The following KIF5A variants were observed in gnomAD, a reference collection of about 807,000 sequenced individuals.
The protein encoded by KIF5A is kinesin family member 5A.
A neutral mutation model predicts 141.3 loss-of-function variants in KIF5A; 35 were observed. The observed-to-expected ratio is 0.25, with a 90% confidence interval of 0.19 to 0.33. The LOEUF is 0.33. Ranked by LOEUF, KIF5A falls within the 10% of genes least tolerant of loss-of-function variation. The probability of loss-of-function intolerance (pLI) is 1.00; values close to 1 mark genes in which losing one functional copy is unlikely to be tolerated. For synonymous variants in KIF5A, 448 were observed against 500.2 expected, an observed-to-expected ratio of 0.90 and a Z score of 1.39; for missense variants, 861 against 1,314.3, an observed-to-expected ratio of 0.66 and a Z score of 5.33.
chr12:57,582,102 G>T lies in KIF5A; in HGVS notation c.2992+150G>T, dbSNP rs893143477. The stretch of plus-strand genomic sequence containing the variant: ...ATAAAAAAAAAAATACATATAGCCA[G>T]GTGTGGTGGCATGCACCTGTAGTCC... On this transcript the variant is annotated intron_variant, in intron 26 of 28. Transcript: ENST00000455537. 4 of 714,394 alleles carry T rather than the reference G, an allele frequency of 5.6e-6. No homozygotes were observed. The Admixed American group carries it at 6.5e-5, about 12-fold the overall frequency. 44.3% of individuals were successfully genotyped at this position (714,394 alleles called of 1,614,324 possible). A position where few individuals can be genotyped will look rare whatever the true frequency, so the allele number is the denominator to read the frequency against.
In KIF5A at chr12:57,562,452, G is replaced by A. The variant is rs1189505287; in HGVS notation, c.130-987G>A. On this transcript the variant is annotated intron_variant, in intron 1 of 28. Coordinates refer to ENST00000455537, the MANE Select transcript of KIF5A (RefSeq NM_004984.4). ...GCTGGTCTCGAACTCCTCACCTCAG[G>A]TGATCTGCCTGCCTTGGCCTCCCAA... Among the ~76,000 whole-genome samples the A allele has an allele frequency of 5.9e-5, 9 of 152,214 alleles. 1 individual carries two copies. The highest frequency in any genetic ancestry group is 2.0e-4 in the Admixed American group (3 of 15,278).
intron 1 of KIF5A, 92 bp from the exon 2 acceptor site, chr12:57,563,347 G>A (rs778910895): frequency 3.5e-5 from 31 of 895,622 alleles, no homozygotes; most frequent in Admixed American, 7.6e-5. Context: ...GAAGAAAAGG[G>A]TGCCTTTCTC....
chr12:57,568,818 T>C (rs1882151666), intron 8 of KIF5A, 145 bp from the exon 9 acceptor site: 1 of 690,088 alleles, frequency 1.4e-6, no homozygotes, highest in Non-Finnish European at 2.6e-6. Flanking sequence ...GGAAGGGCCT[T>C]CCCCAATCCC....
chr12:57,564,890 T>C (rs933224001), intron 5 of KIF5A, 28 bp from the exon 6 acceptor site: 3 of 1,612,632 alleles, frequency 1.9e-6, no homozygotes, highest in Non-Finnish European at 2.5e-6. Context: ...AGTACTAGTC[T>C]TGCTTACCCT....
chr12:57,574,581 ATTT>A (rs11430710), intron 15 of KIF5A, among the ~76,000 whole-genome samples: 6 of 100,748 alleles, frequency 6.0e-5, no homozygotes, highest in Admixed American at 1.1e-4. Flanking sequence ...CCAGAATTGG[ATTT>A]TTTTTTTTTT....
rs1053973299 is a variant in KIF5A, at chr12:57,572,487, C to G, written c.1570-93C>G. The G allele has an allele frequency of 6.5e-7, 1 of 1,543,138 alleles. No homozygotes were observed. Among genetic ancestry groups the G allele is most frequent in the Non-Finnish European group, 8.9e-7 (1 of 1,124,924 alleles). Reference sequence around the variant, plus strand: ...GGCCTGTGTTCTCTTCATAGCAGCCCTCAGGGTCTTGCATGAAGGGAGAGG... The same window carrying G: ...GGCCTGTGTTCTCTTCATAGCAGCCGTCAGGGTCTTGCATGAAGGGAGAGG... On this transcript the variant is annotated intron_variant, in intron 14 of 28. Transcript: ENST00000455537. This position sits in a 1 kb window ranked among gnomAD's most constrained non-coding sequence, Gnocchi z 4.2.
Position 57,576,089 on chromosome 12 carries a change from A to C in KIF5A, c.2026A>C (p.Thr676Pro). Residue 676 changes from threonine to proline, a missense_variant and splice_region_variant, in exon 18 of 29, where the codon ACT (threonine) becomes CCT (proline). Physicochemically the swap from Thr to Pro is conservative, Grantham distance 38. This residue lies in a region of KIF5A where 482 missense variants were observed against 661.3 expected (regional missense o/e 0.73). Coordinates refer to ENST00000455537, the MANE Select transcript of KIF5A (RefSeq NM_004984.4). ...DELAKLQAQE[T>P]VHEVALKDKE... is the part of the protein sequence containing the mutation. ...CTGTCTTCCCCTCTTTCCCTTAGAA[A>C]CTGTGCATGAAGTGGCCCTGAAGGA... is the stretch of plus-strand genomic sequence containing the variant. The C allele has an allele frequency of 6.2e-7, 1 of 1,614,110 alleles. No individual in the cohort carries two copies. The highest frequency in any genetic ancestry group is 2.2e-5 in the East Asian group (1 of 44,870).
intron 7 of KIF5A, 138 bp downstream of exon 7, chr12:57,567,351 C>G: frequency 1.7e-6 from 2 of 1,154,662 alleles, no homozygotes; most frequent in Non-Finnish European, 2.4e-6. Flanking sequence ...TGGGACCCTG[C>G]TGCCTGGGAG....
rs1318650879 is a variant in KIF5A, at chr12:57,573,888, T to C, written c.1716+1162T>C. Among the ~76,000 whole-genome samples, 4 of 150,654 alleles carry C rather than the reference T, an allele frequency of 2.7e-5. 1 individual carries two copies. The highest frequency in any genetic ancestry group is 9.8e-5 in the African/African-American group (4 of 40,846). ...CGAGGTCAGGAGATTGAGACCATCC[T>C]GGCTAACACAGTGAAACCCTGTCTC... is the stretch of plus-strand genomic sequence containing the variant. On this transcript the variant is annotated intron_variant, in intron 15 of 28. Coordinates refer to ENST00000455537, the MANE Select transcript of KIF5A (RefSeq NM_004984.4).
At chr12:57,566,010 A>G (rs34513909) in intron 6 of KIF5A, among the ~76,000 whole-genome samples, 69,624 of 151,402 alleles carry the variant, frequency 0.46, 16,700 homozygotes, top group East Asian at 0.77. Flanking sequence ...GAGGCGGGAG[A>G]ATTGCTTGAG....
rs986404127 is a variant in KIF5A, at chr12:57,550,992, A to G, written c.129+592A>G. Among the ~76,000 whole-genome samples, 2 of 151,882 alleles carry G rather than the reference A, an allele frequency of 1.3e-5. No individual in the cohort carries two copies. The highest frequency in any genetic ancestry group is 4.8e-5 in the African/African-American group (2 of 41,326). ...AAAGAAATCATTGATGCCACACCCA[A>G]TCTTGGGGGGAGCCTCTGGAATCCT... On this transcript the variant is annotated intron_variant, in intron 1 of 28. Transcript: ENST00000455537. This position sits in a 1 kb window ranked among gnomAD's most constrained non-coding sequence, Gnocchi z 4.6.
At chr12:57,556,268 A>T (rs1349725847) in intron 1 of KIF5A, among the ~76,000 whole-genome samples, 1 of 151,826 alleles carries the variant, frequency 6.6e-6, no homozygotes, top group East Asian at 1.9e-4. Flanking sequence ...CCTCCCAAGC[A>T]GCTGGGACTA....
chr12:57,561,603 AC>A, intron 1 of KIF5A, among the ~76,000 whole-genome samples: 2 of 152,310 alleles, frequency 1.3e-5, no homozygotes, highest in Admixed American at 1.3e-4. Flanking sequence ...ATATTAAAAA[AC>A]ATTTATTAGT....
At chr12:57,563,834 A>G in intron 3 of KIF5A, 141 bp downstream of exon 3, 1 of 807,802 alleles carries the variant, frequency 1.2e-6, no homozygotes, top group South Asian at 1.4e-5. Context: ...CTGAAGGGCA[A>G]TATTAGGGGA....
Position 57,550,172 on chromosome 12 carries a change from A to C in KIF5A, c.-100A>C. On this transcript the variant is annotated 5_prime_UTR_variant, in exon 1 of 29. Transcript: ENST00000455537. The surrounding 1 kb of genome is among the most constrained non-coding windows in gnomAD (Gnocchi z 4.6). ...TCAACTCTGTCCCCAGAGACTGAGC[A>C]CCTGTCCTCCGCCTCGGCCTCTGCT... 1 of 1,534,794 alleles carries C rather than the reference A, an allele frequency of 6.5e-7. No individual in the cohort carries two copies. Among genetic ancestry groups the C allele is most frequent in the Admixed American group, 1.7e-5 (1 of 59,882 alleles).
Position 57,585,999 on chromosome 12 carries a change from T to G in KIF5A, c.*1818T>G, listed in dbSNP as rs1882749992. The G allele has an allele frequency of 1.3e-5, 2 of 151,050 alleles. No homozygotes were observed. The highest frequency in any genetic ancestry group is 4.9e-5 in the African/African-American group (2 of 40,914). 9.4% of individuals were successfully genotyped at this position (151,050 alleles called of 1,614,324 possible). On this transcript the variant is annotated 3_prime_UTR_variant, in exon 29 of 29. Transcript: ENST00000455537. ...CAAAGGCTCCTCAGCAAATGAGCCC[T>G]TGAACAGTCCTAAGAGACCCTGAGG... is the stretch of plus-strand genomic sequence containing the variant.
intron 1 of KIF5A, among the ~76,000 whole-genome samples, chr12:57,562,186 C>T (rs1317049702): frequency 6.6e-6 from 1 of 152,172 alleles, no homozygotes; most frequent in African/African-American, 2.4e-5. Flanking sequence ...CTGAATTAAA[C>T]AAGGATTTGT....
At chr12:57,551,218 A>C (rs1881562783) in intron 1 of KIF5A, among the ~76,000 whole-genome samples, 1 of 152,206 alleles carries the variant, frequency 6.6e-6, no homozygotes, top group Non-Finnish European at 1.5e-5. Context: ...GGATATCTTA[A>C]GGGAACTAAT....
intron 1 of KIF5A, among the ~76,000 whole-genome samples, chr12:57,556,816 C>A (rs1881762170): frequency 6.6e-6 from 1 of 152,052 alleles, no homozygotes; most frequent in African/African-American, 2.4e-5. Flanking sequence ...AAGCCAGTCT[C>A]ATCTTTTCAC....
Sources: allele counts gnomAD v4.1 joint callset (sites outside exome capture counted in the v4.1 genomes callset), GRCh38; gene constraint gnomAD v4.1.1; regional missense constraint gnomAD v4.1.1; non-coding constraint Gnocchi (gnomAD v3.1); transcripts MANE v1.5; gene names NCBI Gene and HGNC (gene_info 2026-07-23, HGNC 2026-07-21).